ITGBL1: variants seen among roughly 807,000 people sequenced by gnomAD.
ITGBL1 encodes the protein integrin subunit beta like 1, also known as integrin beta-like protein 1.
Under a neutral mutation model 68.5 loss-of-function variants are expected in ITGBL1, and 51 were observed. The observed-to-expected ratio is 0.74, with a 90% CI of 0.59 to 0.94. The LOEUF is 0.94. ITGBL1 is among the 40% of genes least tolerant of loss of function. The pLI, the probability that ITGBL1 is intolerant of heterozygous loss-of-function variation, is 0.00. For missense variants in ITGBL1, 649 were observed against 647.4 expected (o/e 1.00, Z -0.03); for synonymous variants, 209 against 227.3 (o/e 0.92, Z 0.72).
chr13:101,606,414 T>G (rs1205074289), intron 7 of ITGBL1, among the ~76,000 whole-genome samples: 1 of 151,628 alleles, frequency 6.6e-6, no homozygotes, highest in Non-Finnish European at 1.5e-5. Flanking sequence ...CCATTATAGG[T>G]ATAAAGACAT....
chr13:101,579,697 C>G (rs1189414380), intron 5 of ITGBL1, among the ~76,000 whole-genome samples: 21 of 152,158 alleles, frequency 1.4e-4, no homozygotes. Flanking sequence ...TGGCAGCCCT[C>G]CAGACATAGC....
At chr13:101,606,872 G>T (rs564433721) in intron 7 of ITGBL1, among the ~76,000 whole-genome samples, 2 of 152,108 alleles carry the variant, frequency 1.3e-5, no homozygotes, top group Non-Finnish European at 2.9e-5. Context: ...ATCCCTGACT[G>T]ATAATCGGTT....
chr13:101,618,906 G>A (rs1219969477), intron 7 of ITGBL1, among the ~76,000 whole-genome samples: 1 of 152,068 alleles, frequency 6.6e-6, no homozygotes, highest in Admixed American at 6.6e-5. Flanking sequence ...TGGATGAAAT[G>A]GTCAGGTTTG....
chr13:101,622,329 G>T (rs945649202), intron 7 of ITGBL1, among the ~76,000 whole-genome samples: 1 of 152,004 alleles, frequency 6.6e-6, no homozygotes, highest in Non-Finnish European at 1.5e-5. Context: ...TAACACCAGC[G>T]TCTCTGTCTA....
chr13:101,671,449 T>TTTTTTG lies in ITGBL1; in HGVS notation c.1016-21131_1016-21130insGTTTTT, dbSNP rs1566784566. Among the ~76,000 whole-genome samples the TTTTTTG allele has an allele frequency of 2.3e-4, 30 of 127,722 alleles. 3 individuals are homozygous for TTTTTTG. The highest frequency in any genetic ancestry group is 1.8e-3 in the East Asian group (6 of 3,422). 83.8% of individuals were successfully genotyped at this position (127,722 alleles called of 152,430 possible). On this transcript the variant is annotated intron_variant, in intron 7 of 10. Transcript: ENST00000376180. Reference sequence around the variant, plus strand: ...TTGTTTTTTTTTTGTTTTTTTTTGTTTTTTTTTGAGACGGAGTCTCGCTCT... The same window carrying TTTTTTG: ...TTGTTTTTTTTTTGTTTTTTTTTGTTTTTTTGTTTTTTTGAGACGGAGTCTCGCTCT...
chr13:101,520,640 G>A (rs867389062), intron 2 of ITGBL1, among the ~76,000 whole-genome samples: 12 of 152,266 alleles, frequency 7.9e-5, no homozygotes, highest in African/African-American at 1.4e-4. Context: ...TGCTCACTCC[G>A]TGGGGAATGC....
At chr13:101,650,443 C>T (rs1174452651) in intron 7 of ITGBL1, among the ~76,000 whole-genome samples, 4 of 151,696 alleles carry the variant, frequency 2.6e-5, no homozygotes, top group Non-Finnish European at 5.9e-5. Context: ...ACCCTTATTT[C>T]ATGTTGAAAA....
chr13:101,701,815 G>A (rs2034143493), intron 8 of ITGBL1, among the ~76,000 whole-genome samples: 1 of 152,078 alleles, frequency 6.6e-6, no homozygotes, highest in African/African-American at 2.4e-5. Flanking sequence ...AAGCTGGAAT[G>A]GTGATTTCCA....
intron 7 of ITGBL1, among the ~76,000 whole-genome samples, chr13:101,676,581 A>T (rs1465280936): frequency 6.6e-6 from 1 of 152,172 alleles, no homozygotes; most frequent in African/African-American, 2.4e-5. Context: ...TGACAAATAC[A>T]TCAAAGAGAT....
At chr13:101,484,236 A>G (rs932423410) in intron 2 of ITGBL1, among the ~76,000 whole-genome samples, 2 of 152,154 alleles carry the variant, frequency 1.3e-5, no homozygotes, top group Admixed American at 6.5e-5. Context: ...ACCCATCAGC[A>G]TAAAAAATTT....
chr13:101,694,208 C>A (rs1160912725), intron 8 of ITGBL1, among the ~76,000 whole-genome samples: 1 of 152,028 alleles, frequency 6.6e-6, no homozygotes, highest in Non-Finnish European at 1.5e-5. Context: ...AGGTTAAATC[C>A]TCTGTTCACT....
At chr13:101,678,423 A>T (rs892524191) in intron 7 of ITGBL1, among the ~76,000 whole-genome samples, 2 of 151,848 alleles carry the variant, frequency 1.3e-5, no homozygotes, top group Non-Finnish European at 2.9e-5. Context: ...ATATTTGCTA[A>T]TTATCCCAGA....
At chr13:101,677,013 A>G (rs958214563) in intron 7 of ITGBL1, among the ~76,000 whole-genome samples, 2 of 152,104 alleles carry the variant, frequency 1.3e-5, no homozygotes, top group Non-Finnish European at 2.9e-5. Context: ...AATCCTAGCT[A>G]CTTGGGATGC....
At chr13:101,618,156 A>T (rs917021537) in intron 7 of ITGBL1, among the ~76,000 whole-genome samples, 17 of 152,200 alleles carry the variant, frequency 1.1e-4, no homozygotes, top group African/African-American at 4.1e-4. Context: ...AACTAGCTAC[A>T]TGGGGGGAAA....
chr13:101,457,533 C>T (rs564221257), intron 2 of ITGBL1, among the ~76,000 whole-genome samples: 2 of 152,322 alleles, frequency 1.3e-5, no homozygotes, highest in South Asian at 4.1e-4. Flanking sequence ...GTTCGTGGCA[C>T]ATGCATCTTC....
chr13:101,668,660 T>C (rs1343014111), intron 7 of ITGBL1, among the ~76,000 whole-genome samples: 1 of 152,174 alleles, frequency 6.6e-6, no homozygotes, highest in Non-Finnish European at 1.5e-5. Flanking sequence ...TCTGGTATAA[T>C]TGTTTAAAAT....
intron 2 of ITGBL1, among the ~76,000 whole-genome samples, chr13:101,512,197 T>C (rs1462744878): frequency 1.3e-5 from 2 of 152,106 alleles, no homozygotes; most frequent in Admixed American, 6.6e-5. Flanking sequence ...TTTGATGATC[T>C]GATCTCTTCT....
intron 2 of ITGBL1, among the ~76,000 whole-genome samples, chr13:101,546,318 C>A (rs1202187871): frequency 6.6e-6 from 1 of 152,072 alleles, no homozygotes; most frequent in African/African-American, 2.4e-5. Context: ...GCTTTAATTT[C>A]ATTATTGGGT....
chr13:101,600,455 C>T (rs1311675024), intron 7 of ITGBL1, among the ~76,000 whole-genome samples: 1 of 152,166 alleles, frequency 6.6e-6, no homozygotes, highest in Non-Finnish European at 1.5e-5. Context: ...ATTGCCCTGG[C>T]CAGAACTTCC....
Sources: gnomAD v4.1 joint callset for allele counts (sites outside exome capture counted in the v4.1 genomes callset) on GRCh38, gnomAD v4.1.1 for gene constraint, MANE v1.5 for transcripts, NCBI Gene and HGNC (gene_info 2026-07-23, HGNC 2026-07-21) for gene names.